The following OSER1 variants were observed in gnomAD, a reference collection of about 807,000 sequenced individuals.
OSER1 encodes the protein oxidative stress responsive serine rich 1, also known as oxidative stress-responsive serine-rich protein 1.
In OSER1, 15 loss-of-function variants were observed where a neutral mutation model predicts 26.3. The ratio of observed to expected loss-of-function variants is 0.57; its 90% CI spans 0.38 to 0.88. The LOEUF (loss-of-function observed/expected upper bound fraction) is 0.88. Ranked by LOEUF, OSER1 falls within the 40% of genes least tolerant of loss-of-function variation. OSER1 has a pLI of 0.00. For missense variants in OSER1, 313 were observed against 353.9 expected, an observed-to-expected ratio of 0.88 and a Z score of 0.93; for synonymous variants, 127 against 128.2, an observed-to-expected ratio of 0.99 and a Z score of 0.07.
chr20:44,200,088 C>A (rs1293894790), intron 3 of OSER1, among the ~76,000 whole-genome samples: 4 of 152,226 alleles, frequency 2.6e-5, no homozygotes, highest in African/African-American at 9.6e-5. Context: ...TCCCTGCCCG[C>A]CTTCCTGGCC....
chr20:44,211,536 G>T (rs1339312719), upstream of OSER1, among the ~76,000 whole-genome samples: 1 of 152,174 alleles, frequency 6.6e-6, no homozygotes, highest in Non-Finnish European at 1.5e-5. Context: ...CGTGTTTTCA[G>T]GCGTAGACTC....
chr20:44,208,972 TCCTAC>T, intron 1 of OSER1, among the ~76,000 whole-genome samples: 1 of 152,336 alleles, frequency 6.6e-6, no homozygotes, highest in Non-Finnish European at 1.5e-5. Flanking sequence ...TTTACAGAAT[TCCTAC>T]CACGTGCATG....
At chr20:44,206,765 T>G in intron 2 of OSER1, 116 bp downstream of exon 2, 1 of 586,992 alleles carries the variant, frequency 1.7e-6, no homozygotes. Context: ...CTATTAGCAT[T>G]TATATCTTCT....
chr20:44,208,684 C>T (rs748133244), intron 1 of OSER1, among the ~76,000 whole-genome samples: 1 of 152,192 alleles, frequency 6.6e-6, no homozygotes, highest in African/African-American at 2.4e-5. Context: ...TTCACATCAT[C>T]TAAAAGAGTA....
In OSER1 at chr20:44,206,975, T is replaced by C; in HGVS notation, c.-18A>G. On this transcript the variant is annotated 5_prime_UTR_variant, in exon 2 of 4. Transcript: ENST00000255174. Reference sequence around the variant, plus strand: ...GATTTCATTGTGCAAGTTTTTACACTACTTATCGATGTTCCTGTTTACACT... The same window carrying C: ...GATTTCATTGTGCAAGTTTTTACACCACTTATCGATGTTCCTGTTTACACT... 1.3e-6 allele frequency: 2 copies of C among 1,586,348 alleles called. No individual in the cohort carries two copies. Among genetic ancestry groups the C allele is most frequent in the African/African-American group, 1.3e-5 (1 of 74,440 alleles).
intron 1 of OSER1, chr20:44,207,259 T>C: frequency 4.5e-6 from 1 of 224,662 alleles, no homozygotes; most frequent in Non-Finnish European, 8.7e-6. Flanking sequence ...CTAGATGATC[T>C]AAAATCTATG....
chr20:44,211,743 C>G (rs1388036940), upstream of OSER1, among the ~76,000 whole-genome samples: 1 of 152,194 alleles, frequency 6.6e-6, no homozygotes, highest in Non-Finnish European at 1.5e-5. Context: ...GCTCCATCAC[C>G]AGGACTGGTT....
chr20:44,208,607 T>C (rs2073063907), intron 1 of OSER1, among the ~76,000 whole-genome samples: 1 of 152,152 alleles, frequency 6.6e-6, no homozygotes, highest in Non-Finnish European at 1.5e-5. Context: ...ATCCCCCAAA[T>C]ACACAATCAA....
At position 44,196,931 on chromosome 20, in the gene OSER1, T is replaced by C. The variant is rs2072924669; in HGVS notation, c.*121A>G. 4.3e-6 allele frequency: 3 copies of C among 689,686 alleles called. No homozygotes were observed. The highest frequency in any genetic ancestry group is 2.5e-5 in the Admixed American group (1 of 40,108). The allele number at this position is 689,686 out of a possible 1,614,324, so 42.7% of individuals were successfully genotyped here. A position where few individuals can be genotyped will look rare whatever the true frequency, so the allele number is the denominator to read the frequency against. ...CTGAGATGCCAAGAAAAGTTTTTAT[T>C]GCAAGCACAGTGAGCAGAAAGAGAT... On this transcript the variant is annotated 3_prime_UTR_variant, in exon 4 of 4. Coordinates refer to ENST00000255174, the MANE Select transcript of OSER1 (RefSeq NM_016470.8).
chr20:44,209,111 T>C (rs2073069895), intron 1 of OSER1, among the ~76,000 whole-genome samples: 3 of 152,164 alleles, frequency 2.0e-5, no homozygotes, highest in Admixed American at 2.0e-4. Context: ...CCTACATATG[T>C]AACTTTTAAT....
At chr20:44,205,088 G>C (rs1239499244) in intron 2 of OSER1, among the ~76,000 whole-genome samples, 1 of 152,118 alleles carries the variant, frequency 6.6e-6, no homozygotes, top group Non-Finnish European at 1.5e-5. Flanking sequence ...GCTCACCTTG[G>C]CCTCCCAAAG....
chr20:44,211,181 C>T (rs2073104390), upstream of OSER1: 1 of 152,260 alleles, frequency 6.6e-6, no homozygotes, highest in Admixed American at 6.5e-5. Context: ...CAGAGGAATT[C>T]CACGGGGCGG....
At chr20:44,206,311 AAG>A (rs1161969199) in intron 2 of OSER1, among the ~76,000 whole-genome samples, 1 of 152,196 alleles carries the variant, frequency 6.6e-6, no homozygotes, top group Non-Finnish European at 1.5e-5. Flanking sequence ...TTGGTGTGAG[AAG>A]AGTCTTACAC....
chr20:44,210,234 T>G (rs186523004), intron 1 of OSER1, among the ~76,000 whole-genome samples: 1 of 151,908 alleles, frequency 6.6e-6, no homozygotes, highest in Non-Finnish European at 1.5e-5. Flanking sequence ...AGCTGTGAAG[T>G]TGCGCTCCTC....
Position 44,197,661 on chromosome 20 carries a change from T to C in OSER1, c.270A>G (p.Pro90=). The change falls in exon 4 of 4, where the codon CCA becomes CCG. Residue 90 remains proline (P), a synonymous_variant. Transcript: ENST00000255174. ...RRSKSPVLHP[P]KFIHCSTIAS... is the part of the protein sequence containing the mutation. ...CTATTGTACTGCAATGTATAAACTT[T>C]GGAGGATGAAGGACAGGAGACTTAG... 1 of 1,614,112 alleles carries C rather than the reference T, an allele frequency of 6.2e-7. No individual in the cohort carries two copies. The highest frequency in any genetic ancestry group is 8.5e-7 in the Non-Finnish European group (1 of 1,179,954).
intron 3 of OSER1, among the ~76,000 whole-genome samples, chr20:44,199,397 G>C (rs2072957841): frequency 2.0e-5 from 3 of 152,124 alleles, no homozygotes. Context: ...CCCATGTTAT[G>C]ATGCAGCAAT....
intron 3 of OSER1, among the ~76,000 whole-genome samples, chr20:44,198,655 TTAAA>T (rs1262210165): frequency 6.6e-6 from 1 of 151,474 alleles, no homozygotes; most frequent in African/African-American, 2.4e-5. Flanking sequence ...TAAAATAAAA[TTAAA>T]TAAAGAACTG....
intron 2 of OSER1, 27 bp downstream of exon 2, chr20:44,206,854 C>A: frequency 2.2e-6 from 2 of 915,098 alleles, no homozygotes; most frequent in Non-Finnish European, 1.8e-6. Context: ...CAAATAATTC[C>A]AAATAATATA....
intron 2 of OSER1, among the ~76,000 whole-genome samples, chr20:44,205,748 GGCTAAC>G (rs2073030933): frequency 6.6e-6 from 1 of 151,962 alleles, no homozygotes; most frequent in Non-Finnish European, 1.5e-5. Context: ...AGACCATCCT[GGCTAAC>G]ACAGTGAAAC....
Sources: allele counts gnomAD v4.1 joint callset (sites outside exome capture counted in the v4.1 genomes callset), GRCh38; gene constraint gnomAD v4.1.1; transcripts MANE v1.5; gene names NCBI Gene and HGNC (gene_info 2026-07-23, HGNC 2026-07-21).